Variants in SIRPD observed in about 807,000 individuals in gnomAD.
SIRPD encodes signal-regulatory protein delta.
In SIRPD, 21 loss-of-function variants were observed where a neutral mutation model predicts 18.0. That is an observed-to-expected ratio of 1.17 (90% confidence interval 0.83 to 1.68). The LOEUF (loss-of-function observed/expected upper bound fraction) is 1.68, where lower values mean the gene tolerates loss of function less well. Ranked by LOEUF, SIRPD falls within the 40% of genes most tolerant of loss-of-function variation. The pLI is 0.00. For synonymous variants in SIRPD, 106 were observed against 92.9 expected, an observed-to-expected ratio of 1.14 and a Z score of -0.81; for missense variants, 295 against 238.4, an observed-to-expected ratio of 1.24 and a Z score of -1.56.
intron 2 of SIRPD, among the ~76,000 whole-genome samples, chr20:1,545,216 C>G (rs751296837): frequency 2.6e-5 from 4 of 152,192 alleles, no homozygotes; most frequent in Non-Finnish European, 5.9e-5. Context: ...TGTTTTCCAA[C>G]TTGGTTCCAT....
intron 1 of SIRPD, among the ~76,000 whole-genome samples, chr20:1,552,660 T>TGGCC (rs2091024749): frequency 6.6e-6 from 1 of 152,140 alleles, no homozygotes; most frequent in Non-Finnish European, 1.5e-5. Context: ...TTTTGGAGGT[T>TGGCC]CTCACCAGCC....
At chr20:1,550,825 C>T (rs2091015726) in intron 2 of SIRPD, among the ~76,000 whole-genome samples, 1 of 152,130 alleles carries the variant, frequency 6.6e-6, no homozygotes, top group South Asian at 2.1e-4. Context: ...TCAAATGTTG[C>T]TGTGTAGATA....
chr20:1,550,533 A>T (rs1400192612), intron 2 of SIRPD, among the ~76,000 whole-genome samples: 1 of 152,190 alleles, frequency 6.6e-6, no homozygotes, highest in East Asian at 1.9e-4. Context: ...TGGTAACATT[A>T]AGCCCTAAAT....
At chr20:1,551,570 T>C in intron 2 of SIRPD, 121 bp downstream of exon 2, 1 of 785,382 alleles carries the variant, frequency 1.3e-6, no homozygotes, top group Non-Finnish European at 2.0e-6. Context: ...ATTAAAAAGA[T>C]CAAATGTATG....
chr20:1,537,926 G>GTGACA (rs1600062343), intron 2 of SIRPD, among the ~76,000 whole-genome samples: 1 of 152,282 alleles, frequency 6.6e-6, no homozygotes, highest in East Asian at 1.9e-4. Flanking sequence ...TGCAGGAACA[G>GTGACA]TGACATGCAG....
intron 2 of SIRPD, among the ~76,000 whole-genome samples, chr20:1,545,317 T>C (rs976224437): frequency 6.6e-5 from 10 of 152,224 alleles, no homozygotes; most frequent in Non-Finnish European, 1.3e-4. Context: ...TCATTCTTTT[T>C]CACTCTTTTT....
intron 2 of SIRPD, among the ~76,000 whole-genome samples, chr20:1,539,961 T>C (rs955964007): frequency 2.6e-5 from 4 of 152,174 alleles, no homozygotes; most frequent in African/African-American, 9.7e-5. Context: ...TAAACCAAGA[T>C]CACTCAACCT....
Position 1,550,487 on chromosome 20 carries a change from A to T in SIRPD, c.421+1204T>A, listed in dbSNP as rs925520863. ...ATATGCAGCAGGAAAGATTAAAGCC[A>T]TGAAGAGATGAGAGAATTTCAGAGA... On this transcript the variant is annotated intron_variant, in intron 2 of 3. Transcript: ENST00000381623. 2.0e-5 allele frequency among the ~76,000 whole-genome samples: 3 copies of T among 152,222 alleles called. No individual in the cohort carries two copies. In the East Asian group the frequency reaches 5.8e-4, roughly 29 times the overall value.
chr20:1,536,995 A>G (rs928427892), intron 3 of SIRPD, among the ~76,000 whole-genome samples, 160 bp downstream of exon 3: 7 of 152,218 alleles, frequency 4.6e-5, no homozygotes, highest in Admixed American at 1.3e-4. Flanking sequence ...GTTATAAAAC[A>G]AACTATTTAG....
In SIRPD at chr20:1,550,786, C is replaced by T. The variant is rs76373388; in HGVS notation, c.421+905G>A. Among the ~76,000 whole-genome samples the T allele has an allele frequency of 9.1e-3, 1,385 of 152,300 alleles. 21 individuals carry two copies. Among genetic ancestry groups the T allele is most frequent in the African/African-American group, 0.033 (1,351 of 41,558 alleles). ...AATCTCCCTGAGTTAGGTTCCTCAT[C>T]TGTACAGTGAGTACAAGCATCCAGC... On this transcript the variant is annotated intron_variant, in intron 2 of 3. Coordinates refer to ENST00000381623, the MANE Select transcript of SIRPD (RefSeq NM_178460.3).
intron 3 of SIRPD, among the ~76,000 whole-genome samples, chr20:1,535,580 T>G (rs1382863874): frequency 6.6e-6 from 1 of 152,142 alleles, no homozygotes; most frequent in African/African-American, 2.4e-5. Flanking sequence ...CTGTGCTGCC[T>G]CAGGACTCTT....
chr20:1,544,747 G>A (rs1217883129), intron 2 of SIRPD, among the ~76,000 whole-genome samples: 1 of 152,250 alleles, frequency 6.6e-6, no homozygotes, highest in Non-Finnish European at 1.5e-5. Flanking sequence ...TTTTTGCTGT[G>A]TCTGGTACCA....
chr20:1,540,823 T>C (rs6079531), intron 2 of SIRPD, among the ~76,000 whole-genome samples: 51 of 151,968 alleles, frequency 3.4e-4, no homozygotes, highest in Admixed American at 1.4e-3. Flanking sequence ...TGGTGTGTGA[T>C]GTTCTCCTCC....
At chr20:1,547,674 A>G (rs950651804) in intron 2 of SIRPD, among the ~76,000 whole-genome samples, 1 of 152,184 alleles carries the variant, frequency 6.6e-6, no homozygotes, top group African/African-American at 2.4e-5. Context: ...GTCAATTTCT[A>G]CAAAAAAGTA....
At chr20:1,553,643 C>A (rs1229031539) in intron 1 of SIRPD, among the ~76,000 whole-genome samples, 1 of 152,192 alleles carries the variant, frequency 6.6e-6, no homozygotes, top group Non-Finnish European at 1.5e-5. Context: ...GCAGTGCACA[C>A]ATGTAGTTGC....
At chr20:1,553,050 A>G (rs1174218594) in intron 1 of SIRPD, among the ~76,000 whole-genome samples, 1 of 152,210 alleles carries the variant, frequency 6.6e-6, no homozygotes, top group Non-Finnish European at 1.5e-5. Context: ...GGGAATAAAA[A>G]TACTGGGAAT....
chr20:1,544,205 T>A (rs2123128796), intron 2 of SIRPD, among the ~76,000 whole-genome samples: 1 of 152,316 alleles, frequency 6.6e-6, no homozygotes, highest in Non-Finnish European at 1.5e-5. Flanking sequence ...ATATTGACAG[T>A]GGGATATTAA....
intron 3 of SIRPD, among the ~76,000 whole-genome samples, chr20:1,535,138 C>T (rs2090939918): frequency 6.6e-6 from 1 of 152,150 alleles, no homozygotes; most frequent in Non-Finnish European, 1.5e-5. Flanking sequence ...GATGATGTTG[C>T]AGACACATAT....
At chr20:1,554,830 G>T (rs370491521) in intron 1 of SIRPD, among the ~76,000 whole-genome samples, 2 of 152,114 alleles carry the variant, frequency 1.3e-5, no homozygotes, top group South Asian at 4.2e-4. Context: ...TTCCATAAAA[G>T]GTCACAACTG....
Sources: gnomAD v4.1 joint callset for allele counts (sites outside exome capture counted in the v4.1 genomes callset) on GRCh38, gnomAD v4.1.1 for gene constraint, MANE v1.5 for transcripts, NCBI Gene and HGNC (gene_info 2026-07-23, HGNC 2026-07-21) for gene names.